Variants in NPM1 observed in about 807,000 individuals in gnomAD.
NPM1 encodes the protein nucleophosmin 1, also known as nucleophosmin.
In NPM1, 1 loss-of-function variant was observed where a neutral mutation model predicts 44.1. That is an observed-to-expected ratio of 0.02 (90% CI 0.01 to 0.11). The LOEUF (loss-of-function observed/expected upper bound fraction) is 0.11. NPM1 is among the 10% of genes least tolerant of loss of function. The pLI, the probability that NPM1 is intolerant of heterozygous loss-of-function variation, is 1.00. For synonymous variants in NPM1, 126 were observed against 111.8 expected (o/e 1.13, Z -0.80); for missense variants, 197 against 347.8 (o/e 0.57, Z 3.45).
rs571071150 is a variant in NPM1, at chr5:171,392,815, A to G, written c.458A>G (p.Gln153Arg). 6.2e-7 allele frequency: 1 copy of G among 1,613,470 alleles called. No individual in the cohort carries two copies. Among genetic ancestry groups the G allele is most frequent in the African/African-American group, 1.3e-5 (1 of 75,018 alleles). Reference protein sequence around the residue: ...SAPGGGSKVPQKKVKLAADED... With the variant: ...SAPGGGSKVPRKKVKLAADED... ...CCTGGAGGTGGTAGCAAGGTTCCAC[A>G]GGTAGAGATGGCAATTTTATTATAG... Residue 153 changes from glutamine to arginine, a missense_variant and splice_region_variant, in exon 5 of 11, where the codon CAG (glutamine) becomes CGG (arginine). Coordinates refer to ENST00000296930, the MANE Select transcript of NPM1 (RefSeq NM_002520.7).
chr5:171,396,087 C>G (rs563539149), intron 6 of NPM1, among the ~76,000 whole-genome samples: 1 of 151,488 alleles, frequency 6.6e-6, no homozygotes, highest in Non-Finnish European at 1.5e-5. Context: ...TCAAGTGATT[C>G]TCCTGCCTCA....
At chr5:171,403,954 T>TG (rs1166756769) in intron 8 of NPM1, among the ~76,000 whole-genome samples, 2 of 47,778 alleles carry the variant, frequency 4.2e-5, no homozygotes, top group Admixed American at 2.0e-4. Context: ...GCTGGCCGGG[T>TG]GGGGGGGCTG....
At chr5:171,388,075 C>CGGGGG in intron 1 of NPM1, 69 bp downstream of exon 1, 1 of 567,962 alleles carries the variant, frequency 1.8e-6, no homozygotes, top group East Asian at 4.3e-5. Flanking sequence ...GGGTGAGGGG[C>CGGGGG]GGGAATCCGG....
intron 6 of NPM1, among the ~76,000 whole-genome samples, chr5:171,394,765 G>T (rs1770790210): frequency 6.6e-6 from 1 of 152,212 alleles, no homozygotes; most frequent in African/African-American, 2.4e-5. Context: ...TATAAAATAA[G>T]TGTTTAATAG....
At chr5:171,406,588 T>A in intron 9 of NPM1, 1 of 1,409,914 alleles carries the variant, frequency 7.1e-7, no homozygotes, top group East Asian at 2.5e-5. Context: ...CTTGGTTCCC[T>A]AAAGCACTTT....
At chr5:171,391,243 G>GT (rs1770561491) in intron 2 of NPM1, 62 bp from the exon 3 acceptor site, 3 of 1,581,922 alleles carry the variant, frequency 1.9e-6, no homozygotes, top group South Asian at 2.3e-5. Flanking sequence ...ATAACATTTA[G>GT]TGGGGGGGTG....
At chr5:171,404,343 G>T (rs1392883029) in intron 8 of NPM1, among the ~76,000 whole-genome samples, 1 of 83,604 alleles carries the variant, frequency 1.2e-5, no homozygotes, top group Non-Finnish European at 2.4e-5. Flanking sequence ...CTCAGACGGG[G>T]CAGCTGCCGG....
rs200119475 is a variant in NPM1 at position 171,395,962 on chromosome 5, A to ATTT, written c.524+2984_524+2985insTTT. Among the ~76,000 whole-genome samples the ATTT allele has an allele frequency of 1.5e-4, 20 of 133,436 alleles. 1 individual carries two copies. The highest frequency in any genetic ancestry group is 1.7e-4 in the African/African-American group (6 of 34,864). 87.5% of individuals were successfully genotyped at this position (133,436 alleles called of 152,430 possible). A position where few individuals can be genotyped will look rare whatever the true frequency, so the allele number is the denominator to read the frequency against. ...TTGGGGAATTTCTTAAGTAAAGCTG[A>ATTT]ATTTTTTTTTTTTTTTTTGGAGACA... On this transcript the variant is annotated intron_variant, in intron 6 of 10. Transcript: ENST00000296930.
chr5:171,408,270 T>TA (rs1325737491), intron 10 of NPM1, among the ~76,000 whole-genome samples: 4 of 152,190 alleles, frequency 2.6e-5, no homozygotes, highest in African/African-American at 9.6e-5. Flanking sequence ...AGTTAGCTGT[T>TA]AGATTTTACA....
At chr5:171,387,135 T>C (rs932315141), upstream of NPM1, 2 of 152,298 alleles carry the variant, frequency 1.3e-5, no homozygotes, top group African/African-American at 2.4e-5. Flanking sequence ...CCTTGCTAAT[T>C]TGGAGACTGA....
chr5:171,395,007 G>A (rs538788859), intron 6 of NPM1, among the ~76,000 whole-genome samples: 60 of 151,452 alleles, frequency 4.0e-4, no homozygotes, highest in Non-Finnish European at 5.6e-4. Flanking sequence ...GGTGAAACCC[G>A]GTATCTACTA....
intron 6 of NPM1, 82 bp from the exon 7 acceptor site, chr5:171,400,071 A>G: frequency 1.2e-6 from 1 of 818,994 alleles, no homozygotes; most frequent in Non-Finnish European, 2.1e-6. Flanking sequence ...TGCACAAATA[A>G]TCACTTCAAG....
rs886852569 is a variant in NPM1, at chr5:171,400,877, A to C, written c.621A>C (p.Ser207=). 1 of 1,612,672 alleles carries C rather than the reference A, an allele frequency of 6.2e-7. No individual in the cohort carries two copies. The highest frequency in any genetic ancestry group is 8.5e-7 in the Non-Finnish European group (1 of 1,179,576). The change falls in exon 8 of 11, where the codon TCA becomes TCC. Residue 207 remains serine (S), a synonymous_variant. Transcript: ENST00000296930. ...CTCCAGCCAAAAATGCACAAAAGTCAAATCAGAATGGAAAAGACTCAAAAC... is the reference window on the plus strand; with the variant it reads ...CTCCAGCCAAAAATGCACAAAAGTCCAATCAGAATGGAAAAGACTCAAAAC... ...RDTPAKNAQK[S]NQNGKDSKPS...
chr5:171,409,932 C>T (rs549013018), intron 10 of NPM1, among the ~76,000 whole-genome samples: 19 of 152,066 alleles, frequency 1.2e-4, no homozygotes, highest in Non-Finnish European at 2.6e-4. Context: ...GTAGCTGGGC[C>T]TCCTGTAGTT....
intron 1 of NPM1, 130 bp from the exon 2 acceptor site, chr5:171,389,921 G>A: frequency 1.6e-6 from 1 of 631,598 alleles, no homozygotes; most frequent in South Asian, 1.9e-5. Context: ...TGATCATTCT[G>A]CTTTGCCCTC....
In NPM1 at chr5:171,391,807, AT is replaced by A; in HGVS notation, c.352+13del. ...GTGGACAGCACTTAGTAGGTATGTT[AT>A]TTTTATATATTATACTACTTAGTTT... On this transcript the variant is annotated intron_variant, in intron 4 of 10. Transcript: ENST00000296930. 6.6e-7 allele frequency: 1 copy of A among 1,517,148 alleles called. No homozygotes were observed. Among genetic ancestry groups the A allele is most frequent in the Non-Finnish European group, 9.1e-7 (1 of 1,093,698 alleles). 94.0% of individuals were successfully genotyped at this position (1,517,148 alleles called of 1,614,324 possible).
intron 1 of NPM1, among the ~76,000 whole-genome samples, chr5:171,389,067 C>T (rs1053851433): frequency 7.9e-5 from 12 of 152,202 alleles, no homozygotes; most frequent in Admixed American, 7.9e-4. Flanking sequence ...AGACCTAAGA[C>T]TATTCGCAGA....
At chr5:171,391,683 G>T (rs773074541) in intron 3 of NPM1, 23 bp from the exon 4 acceptor site, 2 of 1,474,512 alleles carry the variant, frequency 1.4e-6, no homozygotes, top group Non-Finnish European at 1.9e-6. Context: ...CATGTTTAGT[G>T]ATGAAAAATT....
At chr5:171,388,642 T>A (rs1343214981) in intron 1 of NPM1, among the ~76,000 whole-genome samples, 1 of 152,126 alleles carries the variant, frequency 6.6e-6, no homozygotes, top group Non-Finnish European at 1.5e-5. Flanking sequence ...CACCGGCGTG[T>A]TGCCACTCGT....
Sources: allele counts gnomAD v4.1 joint callset (sites outside exome capture counted in the v4.1 genomes callset), GRCh38; gene constraint gnomAD v4.1.1; transcripts MANE v1.5; gene names NCBI Gene and HGNC (gene_info 2026-07-23, HGNC 2026-07-21).